The following LIPJ variants were observed in gnomAD, a reference collection of about 807,000 sequenced individuals.
LIPJ encodes the protein lipase family member J.
LIPJ carries 33 observed loss-of-function variants against 39.8 expected under a neutral mutation model. That is an observed-to-expected ratio of 0.83 (90% CI 0.63 to 1.11). The LOEUF is 1.11. Ranked by LOEUF, LIPJ falls within the 50% of genes least tolerant of loss-of-function variation. The probability of loss-of-function intolerance (pLI) is 0.00; values close to 1 mark genes in which losing one functional copy is unlikely to be tolerated. For missense variants in LIPJ, 422 were observed against 427.9 expected, an observed-to-expected ratio of 0.99 and a Z score of 0.12; for synonymous variants, 128 against 139.2, an observed-to-expected ratio of 0.92 and a Z score of 0.57.
rs552342030 is a variant in LIPJ, at chr10:88,597,050, TAGTC to T, written c.723+117_723+120del. ...TTTGTGTTTCATCCACATACACTAG[TAGTC>T]AGATTCTTAGCCTATCTGATTTTAT... On this transcript the variant is annotated intron_variant, in intron 8 of 10. Transcript: ENST00000371939. 298 of 588,374 alleles carry T rather than the reference TAGTC, an allele frequency of 5.1e-4. 1 individual carries two copies. Among genetic ancestry groups the T allele is most frequent in the Non-Finnish European group, 8.0e-4 (278 of 345,972 alleles). 36.4% of individuals were successfully genotyped at this position (588,374 alleles called of 1,614,324 possible).
At chr10:88,583,085 C>T, upstream of LIPJ, 1 of 1,613,692 alleles carries the variant, frequency 6.2e-7, no homozygotes, top group Non-Finnish European at 8.5e-7. Flanking sequence ...GAGTCCTCAG[C>T]CTTGTCCCAC....
At chr10:88,595,622 G>T (rs940817743) in intron 6 of LIPJ, among the ~76,000 whole-genome samples, 1 of 151,518 alleles carries the variant, frequency 6.6e-6, no homozygotes, top group Non-Finnish European at 1.5e-5. Flanking sequence ...AAAAAAAAGT[G>T]AGTAATGAGT....
chr10:88,609,679 T>A (rs896649070), downstream of LIPJ, among the ~76,000 whole-genome samples: 2 of 152,032 alleles, frequency 1.3e-5, no homozygotes, highest in African/African-American at 4.8e-5. Flanking sequence ...GGCGGGTGGA[T>A]CACGAGGTCA....
intron 2 of LIPJ, among the ~76,000 whole-genome samples, chr10:88,589,276 G>A (rs1190239786): frequency 6.6e-6 from 1 of 151,826 alleles, no homozygotes; most frequent in African/African-American, 2.4e-5. Flanking sequence ...ATCTGAGACA[G>A]CCCATGAGGA....
chr10:88,589,691 C>T (rs1302305834), intron 2 of LIPJ, among the ~76,000 whole-genome samples: 1 of 151,578 alleles, frequency 6.6e-6, no homozygotes, highest in Non-Finnish European at 1.5e-5. Context: ...TAAATTATCT[C>T]CCTAAATTGC....
chr10:88,602,922 T>C (rs1484082935), intron 9 of LIPJ, among the ~76,000 whole-genome samples: 1 of 152,066 alleles, frequency 6.6e-6, no homozygotes, highest in Non-Finnish European at 1.5e-5. Flanking sequence ...TGAAACCCTA[T>C]CTCTACTAAA....
At chr10:88,594,709 T>C in exon 6 of LIPJ, 1 of 1,569,006 alleles carries the variant, frequency 6.4e-7, no homozygotes, top group Non-Finnish European at 8.6e-7. Context: ...CCTCTATTGA[T>C]TTCACTGTGA....
At chr10:88,594,611 A>G (rs1851191048) in intron 5 of LIPJ, 56 bp from the exon 6 acceptor site, 7 of 813,506 alleles carry the variant, frequency 8.6e-6, no homozygotes, top group African/African-American at 1.8e-5. Flanking sequence ...TTATTTTCAA[A>G]TACTAACATA....
chr10:88,610,994 G>T (rs1406028110), downstream of LIPJ, among the ~76,000 whole-genome samples: 1 of 152,166 alleles, frequency 6.6e-6, no homozygotes, highest in Non-Finnish European at 1.5e-5. Context: ...AAAAACCGAA[G>T]ATCCTCACAG....
chr10:88,620,480 C>T, the LIPJ span, among the ~76,000 whole-genome samples: 1 of 151,906 alleles, frequency 6.6e-6, no homozygotes, highest in African/African-American at 2.4e-5. Flanking sequence ...ATTTTAAATT[C>T]TAAAAATGGG....
chr10:88,618,350 C>T, the LIPJ span: 2 of 152,184 alleles, frequency 1.3e-5, no homozygotes, highest in Non-Finnish European at 2.9e-5. Context: ...TTATTTGCTT[C>T]TTTGAAGTAT....
downstream of LIPJ, among the ~76,000 whole-genome samples, chr10:88,611,041 G>C (rs2134594446): frequency 6.6e-6 from 1 of 152,312 alleles, no homozygotes; most frequent in African/African-American, 2.4e-5. Flanking sequence ...CACCAGAGCA[G>C]TGCTGGTATC....
rs774467715 is a variant in LIPJ, at chr10:88,605,666, TG to T, written c.833del (p.Gly278AlafsTer5). The T allele has an allele frequency of 1.2e-6, 2 of 1,612,074 alleles. No homozygotes were observed. The highest frequency in any genetic ancestry group is 2.2e-5 in the South Asian group (2 of 91,012). The stretch of plus-strand genomic sequence containing the variant: ...TTCTACTCATTTGAAAGCTTATGAC[TG>T]GGGCAGTCCTGATCTGAACTTGGTT... On this transcript the variant is annotated frameshift_variant, in exon 10 of 11. Coordinates refer to ENST00000371939, the Ensembl canonical transcript of LIPJ. LOFTEE classifies it low-confidence loss of function (END_TRUNC).
the LIPJ span, among the ~76,000 whole-genome samples, chr10:88,613,798 A>ATATATATATATATATG: frequency 1.7e-3 from 91 of 52,020 alleles, no homozygotes; most frequent in Non-Finnish European, 3.3e-3. Flanking sequence ...ATATATATAT[A>ATATATATATATATATG]TATGTGTGTG....
upstream of LIPJ, among the ~76,000 whole-genome samples, chr10:88,585,104 C>T (rs1850865177): frequency 6.6e-6 from 1 of 152,158 alleles, no homozygotes; most frequent in South Asian, 2.1e-4. Context: ...ATCTCAAAAT[C>T]GTCAATCTGG....
chr10:88,596,490 A>G, intron 7 of LIPJ, 74 bp downstream of exon 7: 1 of 1,389,956 alleles, frequency 7.2e-7, no homozygotes, highest in South Asian at 1.7e-5. Flanking sequence ...AGAGATCTTG[A>G]CTATACGTAG....
At chr10:88,606,135 G>A (rs999399170) in intron 10 of LIPJ, among the ~76,000 whole-genome samples, 3 of 152,122 alleles carry the variant, frequency 2.0e-5, no homozygotes, top group Admixed American at 2.0e-4. Flanking sequence ...GGTAAAAATT[G>A]TATAAGGACA....
At chr10:88,603,745 C>G (rs547008823) in intron 9 of LIPJ, among the ~76,000 whole-genome samples, 27 of 152,196 alleles carry the variant, frequency 1.8e-4, no homozygotes, top group African/African-American at 5.5e-4. Flanking sequence ...CACTAGGTAA[C>G]TTTAAAGTAT....
the LIPJ span, among the ~76,000 whole-genome samples, chr10:88,617,983 T>C: frequency 2.0e-5 from 3 of 152,354 alleles, no homozygotes; most frequent in South Asian, 6.2e-4. Flanking sequence ...CCCTAGATGA[T>C]CTTACACTTT....
Sources: gnomAD v4.1 joint callset for allele counts (sites outside exome capture counted in the v4.1 genomes callset) on GRCh38, gnomAD v4.1.1 for gene constraint, MANE v1.5 for transcripts, NCBI Gene and HGNC (gene_info 2026-07-23, HGNC 2026-07-21) for gene names.